Variants in IQGAP3 observed in about 807,000 individuals in gnomAD.
IQGAP3 encodes ras GTPase-activating-like protein IQGAP3.
IQGAP3 carries 165 observed loss-of-function variants against 208.2 expected under a neutral mutation model. The observed-to-expected ratio is 0.79, with a 90% CI of 0.70 to 0.90. IQGAP3 has a LOEUF of 0.90. IQGAP3 is among the 40% of genes least tolerant of loss of function. The probability of loss-of-function intolerance (pLI) is 0.00; values close to 1 mark genes in which losing one functional copy is unlikely to be tolerated. For missense variants in IQGAP3, 1,811 were observed against 2,043.1 expected (o/e 0.89, Z 2.19); for synonymous variants, 703 against 803.6 (o/e 0.87, Z 2.12).
rs1674571088 is a variant in IQGAP3, at chr1:156,534,214, C to A, written c.3741-73G>T. On this transcript the variant is annotated intron_variant, in intron 29 of 37. Coordinates refer to ENST00000361170, the MANE Select transcript of IQGAP3 (RefSeq NM_178229.5). The stretch of plus-strand genomic sequence containing the variant: ...ACACATCTTCTGTCCCCATCATTTC[C>A]CCAGCCTTCTCCAGTGATTGCTCAG... 4 of 1,599,088 alleles carry A rather than the reference C, an allele frequency of 2.5e-6. No individual in the cohort carries two copies. In the Admixed American group the frequency reaches 6.7e-5, roughly 27 times the overall value.
chr1:156,532,077 C>A (rs2102359200), intron 32 of IQGAP3, among the ~76,000 whole-genome samples: 1 of 152,062 alleles, frequency 6.6e-6, no homozygotes, highest in East Asian at 1.9e-4. Context: ...ATCTCCTGAC[C>A]ATCACACTCA....
chr1:156,548,223 A>G lies in IQGAP3; in HGVS notation c.2154T>C (p.Thr718=). The stretch of plus-strand genomic sequence containing the variant: ...AGAGCTGTTGGCGGTCATAGGCAGC[A>G]GTGACCTTGGTGACAGCTGACTGTG... ...EEIQSAVTKV[T]AAYDRQQLWK... is the part of the protein sequence containing the mutation. Residue 718 remains threonine, a synonymous_variant, in exon 19 of 38, where the codon ACT becomes ACC. Transcript: ENST00000361170. 1 of 1,614,008 alleles carries G rather than the reference A, an allele frequency of 6.2e-7. No homozygotes were observed. The highest frequency in any genetic ancestry group is 8.5e-7 in the Non-Finnish European group (1 of 1,179,902).
intron 32 of IQGAP3, among the ~76,000 whole-genome samples, chr1:156,531,564 C>A (rs1459362202): frequency 1.3e-5 from 2 of 151,896 alleles, no homozygotes; most frequent in Non-Finnish European, 2.9e-5. Flanking sequence ...CTGCTCTCAG[C>A]CCTTTGATGG....
At position 156,526,380 on chromosome 1, in the gene IQGAP3, C is replaced by T; in HGVS notation, c.*106G>A. ...AAGGGGTGAGAATCCCTGGGCCTTG[C>T]CCAGTCCTGAGCTCTAGGTGTCTGC... is the stretch of plus-strand genomic sequence containing the variant. On this transcript the variant is annotated 3_prime_UTR_variant, in exon 38 of 38. Transcript: ENST00000361170. 1 of 772,904 alleles carries T rather than the reference C, an allele frequency of 1.3e-6. No individual in the cohort carries two copies. Among genetic ancestry groups the T allele is most frequent in the Non-Finnish European group, 2.3e-6 (1 of 444,230 alleles). 47.9% of individuals were successfully genotyped at this position (772,904 alleles called of 1,614,324 possible). A position where few individuals can be genotyped will look rare whatever the true frequency, so the allele number is the denominator to read the frequency against.
intron 11 of IQGAP3, among the ~76,000 whole-genome samples, chr1:156,557,618 G>A (rs1371642987): frequency 5.9e-5 from 3 of 51,240 alleles, no homozygotes; most frequent in African/African-American, 1.1e-4. Flanking sequence ...AGGTGGGGGG[G>A]TCAGCCCCCC....
chr1:156,536,630 T>C (rs1674698814), intron 27 of IQGAP3, among the ~76,000 whole-genome samples: 1 of 152,212 alleles, frequency 6.6e-6, no homozygotes, highest in South Asian at 2.1e-4. Flanking sequence ...GGATTTTGAA[T>C]GTTCTCACCA....
At chr1:156,561,073 A>G (rs752178280) in intron 10 of IQGAP3, 52 bp from the exon 11 acceptor site, 1 of 1,353,614 alleles carries the variant, frequency 7.4e-7, no homozygotes, top group South Asian at 1.2e-5. Context: ...GGCCATGACC[A>G]TGCTTTACGA....
intron 33 of IQGAP3, 123 bp from the exon 34 acceptor site, chr1:156,530,440 A>G (rs1674338254): frequency 3.9e-6 from 3 of 766,658 alleles, no homozygotes; most frequent in Non-Finnish European, 6.3e-6. Context: ...TATCATTAAG[A>G]AAGTGCCCCA....
At chr1:156,551,921 G>A in intron 14 of IQGAP3, 53 bp from the exon 15 acceptor site, 1 of 1,602,790 alleles carries the variant, frequency 6.2e-7, no homozygotes, top group East Asian at 2.2e-5. Context: ...AATGGCTAAG[G>A]GACAGGACTG....
chr1:156,538,043 C>T (rs1674786014), intron 26 of IQGAP3, among the ~76,000 whole-genome samples: 1 of 152,048 alleles, frequency 6.6e-6, no homozygotes, highest in Non-Finnish European at 1.5e-5. Flanking sequence ...AGGAGTGCGC[C>T]ACAACACCCG....
In IQGAP3 at chr1:156,534,052, G is replaced by A; in HGVS notation, c.3830C>T (p.Pro1277Leu). Residue 1277 changes from proline to leucine, a missense_variant, in exon 30 of 38, where the codon CCC becomes CTC. By Grantham distance (98) the Pro-to-Leu change is moderately conservative. Coordinates refer to ENST00000361170, the MANE Select transcript of IQGAP3 (RefSeq NM_178229.5). ...EYSDMVAVAK[P>L]MVYITVGELV... ...CTCCCCCACGGTGATGTACACCATGGGTTTGGCCACAGCCACCATGTCTGA... is the reference window on the plus strand; with the variant it reads ...CTCCCCCACGGTGATGTACACCATGAGTTTGGCCACAGCCACCATGTCTGA... The A allele has an allele frequency of 1.2e-6, 2 of 1,614,002 alleles. No individual in the cohort carries two copies. Among genetic ancestry groups the A allele is most frequent in the Non-Finnish European group, 8.5e-7 (1 of 1,180,024 alleles).
chr1:156,529,648 C>T (rs1674283119), intron 34 of IQGAP3, among the ~76,000 whole-genome samples: 1 of 151,894 alleles, frequency 6.6e-6, no homozygotes, highest in Non-Finnish European at 1.5e-5. Flanking sequence ...TGGCTGGGTG[C>T]AGTGGCTCAC....
At chr1:156,556,031 A>G (rs1416220336) in intron 12 of IQGAP3, among the ~76,000 whole-genome samples, 1 of 152,072 alleles carries the variant, frequency 6.6e-6, no homozygotes, top group African/African-American at 2.4e-5. Context: ...TGGTCTGAAG[A>G]CTTCTTCCAC....
chr1:156,561,977 T>C lies in IQGAP3; in HGVS notation c.902A>G (p.Asp301Gly). The C allele has an allele frequency of 6.2e-7, 1 of 1,612,924 alleles. No homozygotes were observed. The highest frequency in any genetic ancestry group is 1.1e-5 in the South Asian group (1 of 90,986). Reference sequence around the variant, plus strand: ...AGGGCTCTGTCTTTCCAGGGCATCATCAACAACTTCTAGAGCCCCATGGAC... The same window carrying C: ...AGGGCTCTGTCTTTCCAGGGCATCACCAACAACTTCTAGAGCCCCATGGAC... ...VNVHGALEVV[D>G]DALERQSPEA... The change falls in exon 10 of 38, where the codon GAT becomes GGT. Residue 301 changes from aspartate to glycine, a missense_variant. By Grantham distance (94) the Asp-to-Gly change is moderately conservative. Transcript: ENST00000361170.
intron 4 of IQGAP3, among the ~76,000 whole-genome samples, chr1:156,565,346 C>G (rs1676354030): frequency 6.6e-6 from 1 of 152,182 alleles, no homozygotes; most frequent in Non-Finnish European, 1.5e-5. Flanking sequence ...CTAGAGTGTT[C>G]CAGTCCCACT....
intron 12 of IQGAP3, 32 bp from the exon 13 acceptor site, chr1:156,554,424 G>T (rs373982353): frequency 1.9e-6 from 3 of 1,571,378 alleles, no homozygotes; most frequent in Non-Finnish European, 2.6e-6. Context: ...ATTCCCAAGT[G>T]GGCAGGTGAA....
intron 32 of IQGAP3, 91 bp downstream of exon 32, chr1:156,532,889 A>G: frequency 1.4e-6 from 2 of 1,389,946 alleles, no homozygotes; most frequent in Non-Finnish European, 2.0e-6. Context: ...CCCAGGAAGA[A>G]GGTGGAATGG....
At chr1:156,548,042 C>T (rs752081222) in intron 19 of IQGAP3, 31 bp downstream of exon 19, 3 of 1,600,812 alleles carry the variant, frequency 1.9e-6, no homozygotes, top group Middle Eastern at 1.7e-4. Context: ...AAGCCCAGGC[C>T]CTGAAGACTG....
rs769722333 is a variant in IQGAP3, at chr1:156,530,215, G to A, written c.4294C>T (p.Pro1432Ser). Reference protein sequence around the residue: ...HRSLTAHSLLPLAEKQRRVLR... With the variant: ...HRSLTAHSLLSLAEKQRRVLR... ...ACGCGCCGCTGCTTCTCTGCCAGTG[G>A]CAGGAGGGAGTGAGCTGTCAGTGAG... Residue 1432 changes from proline to serine, a missense_variant, in exon 34 of 38, where the codon CCA (proline) becomes TCA (serine). Coordinates refer to ENST00000361170, the MANE Select transcript of IQGAP3 (RefSeq NM_178229.5). 3.3e-5 allele frequency: 54 copies of A among 1,613,060 alleles called. No homozygotes were observed. Among genetic ancestry groups the A allele is most frequent in the Non-Finnish European group, 4.2e-5 (50 of 1,179,890 alleles).
Sources: allele counts gnomAD v4.1 joint callset (sites outside exome capture counted in the v4.1 genomes callset), GRCh38; gene constraint gnomAD v4.1.1; transcripts MANE v1.5; gene names NCBI Gene and HGNC (gene_info 2026-07-23, HGNC 2026-07-21).